BRAF: variants seen among roughly 807,000 people sequenced by gnomAD.
The protein encoded by BRAF is B-Raf proto-oncogene, serine/threonine kinase, also known as serine/threonine-protein kinase B-raf.
BRAF carries 16 observed loss-of-function variants against 104.6 expected under a neutral mutation model. That is an observed-to-expected ratio of 0.15 (90% confidence interval 0.10 to 0.23). The LOEUF (loss-of-function observed/expected upper bound fraction) is 0.23. Among genes scored for constraint, BRAF ranks in the 10% least tolerant of loss-of-function variants. The probability of loss-of-function intolerance (pLI) is 1.00; values close to 1 mark genes in which losing one functional copy is unlikely to be tolerated. For synonymous variants in BRAF, 310 were observed against 341.6 expected, an observed-to-expected ratio of 0.91 and a Z score of 1.02; for missense variants, 541 against 937.3, an observed-to-expected ratio of 0.58 and a Z score of 5.52.
In BRAF at chr7:140,898,745, CATT is replaced by C. The variant is rs1312247686; in HGVS notation, c.138+25818_138+25820del. On this transcript the variant is annotated intron_variant, in intron 1 of 19. Transcript: ENST00000644969. Reference sequence around the variant, plus strand: ...AGTCACTATCACTCACTTTTATCATCATTATTCCCTTGATTTTTCTTATAATTC... The same window carrying C: ...AGTCACTATCACTCACTTTTATCATCATTCCCTTGATTTTTCTTATAATTC... Among the ~76,000 whole-genome samples, 3 of 152,286 alleles carry C rather than the reference CATT, an allele frequency of 2.0e-5. No homozygotes were observed. In the South Asian group the frequency reaches 6.2e-4, roughly 32 times the overall value.
At chr7:140,893,829 A>G (rs1020442975) in intron 1 of BRAF, among the ~76,000 whole-genome samples, 5 of 152,136 alleles carry the variant, frequency 3.3e-5, no homozygotes, top group African/African-American at 1.2e-4. Context: ...GAAAAAAATG[A>G]CTGAAAAAAC....
chr7:140,753,287 G>C lies in BRAF; in HGVS notation c.1968C>G (p.Ser656=), dbSNP rs752115982. 1 of 1,609,116 alleles carries C rather than the reference G, an allele frequency of 6.2e-7. No individual in the cohort carries two copies. Among genetic ancestry groups the C allele is most frequent in the Non-Finnish European group, 8.5e-7 (1 of 1,176,042 alleles). Residue 656 remains serine, a synonymous_variant, in exon 16 of 20, where the codon TCC becomes TCG. Coordinates refer to ENST00000644969, the MANE Select transcript of BRAF (RefSeq NM_001374258.1). ...GSHQFEQLSG[S]ILWMAPEVIR... is the part of the protein sequence containing the mutation. ...CCTCAATTCTTACCATCCACAAAAT[G>C]GATCCAGACAACTGTTCAAACTGAT...
intron 14 of BRAF, among the ~76,000 whole-genome samples, chr7:140,761,780 A>T (rs2129006000): frequency 6.6e-6 from 1 of 152,328 alleles, no homozygotes; most frequent in South Asian, 2.1e-4. Context: ...CAAAGATCAA[A>T]AGAGACCAAG....
chr7:140,746,998 G>C (rs1352420327), intron 17 of BRAF, among the ~76,000 whole-genome samples: 1 of 152,112 alleles, frequency 6.6e-6, no homozygotes, highest in African/African-American at 2.4e-5. Flanking sequence ...TGAGAGTCTA[G>C]GGGAATGGTA....
intron 7 of BRAF, 128 bp downstream of exon 7, chr7:140,800,234 A>G (rs1229615733): frequency 2.8e-6 from 4 of 1,414,048 alleles, no homozygotes; most frequent in East Asian, 2.3e-5. Context: ...GAGTGGTATG[A>G]TAAGTTATTT....
intron 1 of BRAF, among the ~76,000 whole-genome samples, chr7:140,880,416 G>A (rs747979484): frequency 4.1e-5 from 6 of 145,944 alleles, no homozygotes; most frequent in South Asian, 4.3e-4. Flanking sequence ...TACCACACCC[G>A]CAATTCCTTC....
chr7:140,751,720 A>G (rs964676707), intron 16 of BRAF, among the ~76,000 whole-genome samples: 4 of 152,152 alleles, frequency 2.6e-5, no homozygotes, highest in African/African-American at 9.7e-5. Flanking sequence ...AATTCCACTT[A>G]CTGTCATAAG....
At chr7:140,828,055 C>A (rs1488668970) in intron 3 of BRAF, among the ~76,000 whole-genome samples, 2 of 152,140 alleles carry the variant, frequency 1.3e-5, no homozygotes, top group South Asian at 2.1e-4. Flanking sequence ...GGCACCACAC[C>A]CGGCCAATTT....
intron 1 of BRAF, among the ~76,000 whole-genome samples, chr7:140,864,553 A>C (rs1395028760): frequency 1.3e-5 from 2 of 152,202 alleles, no homozygotes; most frequent in African/African-American, 4.8e-5. Flanking sequence ...TAGGCCAAGA[A>C]GGCTCAGCCC....
intron 5 of BRAF, among the ~76,000 whole-genome samples, chr7:140,805,192 T>C (rs1448297663): frequency 6.6e-6 from 1 of 152,210 alleles, no homozygotes; most frequent in Non-Finnish European, 1.5e-5. Context: ...CATCCTGATA[T>C]ATAATACATT....
intron 17 of BRAF, 34 bp from the exon 17 acceptor site, chr7:140,739,980 C>G (rs754567621): frequency 6.2e-7 from 1 of 1,602,192 alleles, no homozygotes. Context: ...ATAATTCAAC[C>G]TTGTAGATAA....
intron 10 of BRAF, chr7:140,783,451 CAG>C: frequency 3.6e-6 from 1 of 276,938 alleles, no homozygotes; most frequent in Non-Finnish European, 6.7e-6. Context: ...TAAAACAAGA[CAG>C]AAATACTAAA....
intron 13 of BRAF, 36 bp from the exon 13 acceptor site, chr7:140,777,124 C>T (rs201647306): frequency 6.5e-5 from 105 of 1,604,182 alleles, no homozygotes; most frequent in South Asian, 8.8e-5. Context: ...CATTAAATGT[C>T]GACAAACTTT....
chr7:140,800,249 A>G lies in BRAF; in HGVS notation c.980+113T>C, dbSNP rs1367740728. 3.9e-6 allele frequency: 6 copies of G among 1,529,420 alleles called. No homozygotes were observed. In the South Asian group the frequency reaches 4.6e-5, roughly 12 times the overall value. The allele number at this position is 1,529,420 out of a possible 1,614,324, so 94.7% of individuals were successfully genotyped here. A position where few individuals can be genotyped will look rare whatever the true frequency, so the allele number is the denominator to read the frequency against. On this transcript the variant is annotated intron_variant, in intron 7 of 19. Transcript: ENST00000644969. ...GAGTGGTATGATAAGTTATTTGGGG[A>G]AAAAGTCCTTAATTTAACAATTTAA...
At chr7:140,789,624 C>T (rs1801747138) in intron 8 of BRAF, among the ~76,000 whole-genome samples, 2 of 152,162 alleles carry the variant, frequency 1.3e-5, no homozygotes, top group African/African-American at 4.8e-5. Context: ...AAGTAAGATG[C>T]ACACATTGGA....
rs1199383417 is a variant in BRAF, at chr7:140,787,300, C to CA, written c.1177+247dup. ...TGGGCGACAGAGCGAGACTCCGTCT[C>CA]AAAAAAAAAAAAAAAAAAAAAAAAG... On this transcript the variant is annotated intron_variant, in intron 9 of 19. Transcript: ENST00000644969. 0.2 allele frequency among the ~76,000 whole-genome samples: 10,705 copies of CA among 53,116 alleles called. 1,144 individuals are homozygous for CA. Among genetic ancestry groups the CA allele is most frequent in the South Asian group, 0.35 (355 of 1,008 alleles). 34.8% of individuals were successfully genotyped at this position (53,116 alleles called of 152,430 possible). A position where few individuals can be genotyped will look rare whatever the true frequency, so the allele number is the denominator to read the frequency against.
At chr7:140,740,194 G>A in intron 17 of BRAF, 1 of 471,234 alleles carries the variant, frequency 2.1e-6, no homozygotes, top group South Asian at 2.2e-5. Context: ...CCCTGCTTTT[G>A]GTCTCTCTTT....
intron 1 of BRAF, among the ~76,000 whole-genome samples, chr7:140,851,196 GT>G (rs139466997): frequency 0.023 from 3,532 of 151,858 alleles, 150 homozygotes; most frequent in African/African-American, 0.079. Flanking sequence ...AAGTAATCAG[GT>G]TTTTTTTCTT....
rs145825990 is a variant in BRAF at position 140,760,492 on chromosome 7, T to C, written c.1815-6259A>G. Among the ~76,000 whole-genome samples, 488 of 150,142 alleles carry C rather than the reference T, an allele frequency of 3.3e-3. 3 individuals are homozygous for C. The highest frequency in any genetic ancestry group is 0.011 in the African/African-American group (466 of 40,814). On this transcript the variant is annotated intron_variant, in intron 14 of 19. Coordinates refer to ENST00000644969, the MANE Select transcript of BRAF (RefSeq NM_001374258.1). The stretch of plus-strand genomic sequence containing the variant: ...AGCCTGGTTTGAGTGGGGTCCAAGA[T>C]AAAAAGGAAGGAGAGCAACTGGACA...
Sources: gnomAD v4.1 joint callset for allele counts (sites outside exome capture counted in the v4.1 genomes callset) on GRCh38, gnomAD v4.1.1 for gene constraint, MANE v1.5 for transcripts, NCBI Gene and HGNC (gene_info 2026-07-23, HGNC 2026-07-21) for gene names.